Variants in FAM171A1 observed in about 807,000 individuals in gnomAD.
FAM171A1 encodes protein FAM171A1.
In FAM171A1, 23 loss-of-function variants were observed where a neutral mutation model predicts 74.9. That is an observed-to-expected ratio of 0.31 (90% CI 0.22 to 0.44). The LOEUF is 0.44. Ranked by LOEUF, FAM171A1 falls within the 20% of genes least tolerant of loss-of-function variation. FAM171A1 has a pLI of 1.00. For synonymous variants in FAM171A1, 527 were observed against 505.7 expected, an observed-to-expected ratio of 1.04 and a Z score of -0.57; for missense variants, 1,162 against 1,159.2, an observed-to-expected ratio of 1.00 and a Z score of -0.03.
At chr10:15,279,214 T>A (rs1254544658) in intron 2 of FAM171A1, among the ~76,000 whole-genome samples, 5 of 152,224 alleles carry the variant, frequency 3.3e-5, no homozygotes, top group African/African-American at 1.2e-4. Context: ...ATTTGGTACT[T>A]TCATATATAA....
intron 5 of FAM171A1, among the ~76,000 whole-genome samples, chr10:15,233,311 A>T (rs1399155736): frequency 6.6e-6 from 1 of 152,048 alleles, no homozygotes; most frequent in African/African-American, 2.4e-5. Flanking sequence ...AAACAAAAAC[A>T]AAAACAAAAA....
intron 3 of FAM171A1, among the ~76,000 whole-genome samples, chr10:15,259,172 C>A (rs902887059): frequency 2.6e-5 from 4 of 152,206 alleles, no homozygotes; most frequent in Non-Finnish European, 1.5e-5. Context: ...ATCTATCATC[C>A]TTGGCATTCA....
intron 1 of FAM171A1, among the ~76,000 whole-genome samples, chr10:15,355,272 A>G (rs1339200797): frequency 6.6e-6 from 1 of 152,114 alleles, no homozygotes; most frequent in Non-Finnish European, 1.5e-5. Flanking sequence ...ACGGGGTCTC[A>G]ATATGTTGCC....
At chr10:15,313,556 T>A (rs17358966) in intron 1 of FAM171A1, among the ~76,000 whole-genome samples, 34,849 of 152,120 alleles carry the variant, frequency 0.23, 4,196 homozygotes, top group Admixed American at 0.27. Context: ...ACAAGTCAGC[T>A]TTCTTACAAT....
chr10:15,309,707 A>C (rs373247228), intron 1 of FAM171A1, among the ~76,000 whole-genome samples: 3 of 152,268 alleles, frequency 2.0e-5, no homozygotes, highest in African/African-American at 7.2e-5. Flanking sequence ...TTGGAGGGGA[A>C]GAAGCTAATC....
At chr10:15,277,062 G>A (rs934805883) in intron 2 of FAM171A1, among the ~76,000 whole-genome samples, 3 of 152,110 alleles carry the variant, frequency 2.0e-5, no homozygotes, top group Non-Finnish European at 4.4e-5. Context: ...AAATTTCTGG[G>A]TAAAACATGA....
rs768745123 is a variant in FAM171A1 at position 15,248,805 on chromosome 10, G to C, written c.588C>G (p.Thr196=). 1 of 1,606,188 alleles carries C rather than the reference G, an allele frequency of 6.2e-7. No individual in the cohort carries two copies. Among genetic ancestry groups the C allele is most frequent in the East Asian group, 2.2e-5 (1 of 44,646 alleles). ...CTGTGACTGGGGTCAGGTCATGCCTGGTGCTGTTTCCTAGAAGGAAGAGGC... is the reference window on the plus strand; with the variant it reads ...CTGTGACTGGGGTCAGGTCATGCCTCGTGCTGTTTCCTAGAAGGAAGAGGC... ...GLDGNGTGNS[T]RHDLTPVTAV... Residue 196 remains threonine (T), a synonymous_variant, in exon 5 of 8, where the codon ACC becomes ACG. Coordinates refer to ENST00000378116, the MANE Select transcript of FAM171A1 (RefSeq NM_001010924.2).
intron 5 of FAM171A1, among the ~76,000 whole-genome samples, chr10:15,224,731 G>A (rs935682150): frequency 1.1e-4 from 16 of 152,130 alleles, no homozygotes; most frequent in African/African-American, 3.6e-4. Flanking sequence ...CCATGATTGT[G>A]AGGCCTCCCC....
intron 1 of FAM171A1, among the ~76,000 whole-genome samples, chr10:15,319,200 A>G (rs1305498400): frequency 6.6e-6 from 1 of 152,192 alleles, no homozygotes; most frequent in African/African-American, 2.4e-5. Context: ...CAACTGACTC[A>G]TGGGATGTCT....
chr10:15,325,196 A>G (rs543590111), intron 1 of FAM171A1, among the ~76,000 whole-genome samples: 7 of 152,346 alleles, frequency 4.6e-5, no homozygotes, highest in Admixed American at 1.3e-4. Flanking sequence ...TGAAGCAGAC[A>G]GAGAACTTTT....
In FAM171A1 at chr10:15,214,205, C is replaced by A; in HGVS notation, c.1383G>T (p.Val461=). ...GTLGKDYHKS[V]EVFPLKARKS... ...TTCTTGCCTTTAAGGGAAAAACCTCCACTGACTTATGGTAGTCTTTCCCCA... is the reference window on the plus strand; with the variant it reads ...TTCTTGCCTTTAAGGGAAAAACCTCAACTGACTTATGGTAGTCTTTCCCCA... Residue 461 remains valine (V), a synonymous_variant, in exon 8 of 8, where the codon GTG becomes GTT. Transcript: ENST00000378116. 1 of 1,614,164 alleles carries A rather than the reference C, an allele frequency of 6.2e-7. No homozygotes were observed. The highest frequency in any genetic ancestry group is 8.5e-7 in the Non-Finnish European group (1 of 1,180,028).
intron 5 of FAM171A1, among the ~76,000 whole-genome samples, chr10:15,242,750 C>T (rs919213368): frequency 3.9e-5 from 6 of 152,012 alleles, no homozygotes; most frequent in Non-Finnish European, 8.8e-5. Context: ...GTGACTGCAC[C>T]ACTGCATGCC....
At chr10:15,307,355 C>A (rs533432915) in intron 1 of FAM171A1, among the ~76,000 whole-genome samples, 1 of 151,958 alleles carries the variant, frequency 6.6e-6, no homozygotes, top group East Asian at 1.9e-4. Context: ...AAGTAGAAAG[C>A]GACTTGAGGC....
chr10:15,367,193 C>T (rs1300137326), intron 1 of FAM171A1, among the ~76,000 whole-genome samples: 2 of 139,338 alleles, frequency 1.4e-5, no homozygotes, highest in Non-Finnish European at 3.1e-5. Context: ...AGCGAGACTC[C>T]ATCTCAAAAC....
chr10:15,356,549 CT>C (rs1444460934), intron 1 of FAM171A1, among the ~76,000 whole-genome samples: 1 of 152,096 alleles, frequency 6.6e-6, no homozygotes, highest in Non-Finnish European at 1.5e-5. Context: ...CTAGAAATAA[CT>C]TGAGCGCCCA....
At chr10:15,295,887 C>T (rs754466114) in intron 1 of FAM171A1, among the ~76,000 whole-genome samples, 20 of 152,214 alleles carry the variant, frequency 1.3e-4, no homozygotes, top group Non-Finnish European at 2.6e-4. Context: ...GGAGTTACGA[C>T]GGCTTTTCAT....
chr10:15,321,891 C>A (rs1835491047), intron 1 of FAM171A1, among the ~76,000 whole-genome samples: 1 of 152,226 alleles, frequency 6.6e-6, no homozygotes. Context: ...GGAACACACA[C>A]AGCACTGGTT....
rs1406332088 is a variant in FAM171A1, at chr10:15,280,050, G to A, written c.325+3828C>T. 2.0e-5 allele frequency among the ~76,000 whole-genome samples: 3 copies of A among 152,236 alleles called. No homozygotes were observed. In the East Asian group the frequency reaches 5.8e-4, roughly 29 times the overall value. ...TGTAGTGAGCTGAGATTGCACCACT[G>A]CACTCCAGCCTGGGTGACAGAGTGA... is the stretch of plus-strand genomic sequence containing the variant. On this transcript the variant is annotated intron_variant, in intron 2 of 7. Coordinates refer to ENST00000378116, the MANE Select transcript of FAM171A1 (RefSeq NM_001010924.2).
intron 5 of FAM171A1, among the ~76,000 whole-genome samples, chr10:15,233,619 G>A (rs772653983): frequency 3.3e-5 from 5 of 150,860 alleles, no homozygotes; most frequent in Non-Finnish European, 5.9e-5. Flanking sequence ...AAAGAACCAC[G>A]ATGGCCTGGT....
Sources: gnomAD v4.1 joint callset for allele counts (sites outside exome capture counted in the v4.1 genomes callset) on GRCh38, gnomAD v4.1.1 for gene constraint, MANE v1.5 for transcripts, NCBI Gene and HGNC (gene_info 2026-07-23, HGNC 2026-07-21) for gene names.